ENPEP: variants seen among roughly 807,000 people sequenced by gnomAD.
ENPEP encodes glutamyl aminopeptidase, also known as AP-A.
ENPEP carries 103 observed loss-of-function variants against 114.5 expected under a neutral mutation model. The observed-to-expected ratio is 0.90, with a 90% CI of 0.77 to 1.06. ENPEP has a LOEUF of 1.06. Ranked by LOEUF, ENPEP falls within the 50% of genes least tolerant of loss-of-function variation. The probability of loss-of-function intolerance (pLI) is 0.00; values close to 1 mark genes in which losing one functional copy is unlikely to be tolerated. For synonymous variants in ENPEP, 420 were observed against 422.0 expected (o/e 1.00, Z 0.06); for missense variants, 1,196 against 1,161.3 (o/e 1.03, Z -0.43).
intron 3 of ENPEP, among the ~76,000 whole-genome samples, chr4:110,498,304 C>T (rs949747424): frequency 1.3e-5 from 2 of 151,856 alleles, no homozygotes; most frequent in East Asian, 1.9e-4. Flanking sequence ...TAAGCATGCT[C>T]GTCATTTAAA....
chr4:110,476,948 C>G lies in ENPEP; in HGVS notation c.534C>G (p.Thr178=), dbSNP rs562063489. ...YVVVEAEEEL[T]PSSGDGLYLL... ...TGGTCGAGGCGGAGGAAGAGCTTAC[C>G]CCCAGCAGTGGAGATGGCCTGTATC... Residue 178 remains threonine (T), a synonymous_variant, in exon 1 of 20, where the codon ACC becomes ACG. Transcript: ENST00000265162. 1 of 1,614,148 alleles carries G rather than the reference C, an allele frequency of 6.2e-7. No individual in the cohort carries two copies. Among genetic ancestry groups the G allele is most frequent in the East Asian group, 2.2e-5 (1 of 44,864 alleles).
intron 13 of ENPEP, among the ~76,000 whole-genome samples, chr4:110,546,981 A>T (rs1022465030): frequency 6.6e-6 from 1 of 151,956 alleles, no homozygotes; most frequent in Non-Finnish European, 1.5e-5. Flanking sequence ...AACAATTTTT[A>T]TTGTCCCTTT....
At chr4:110,531,112 TGTC>T (rs1726389912) in intron 10 of ENPEP, 83 bp from the exon 11 acceptor site, 1 of 803,842 alleles carries the variant, frequency 1.2e-6, no homozygotes, top group Non-Finnish European at 1.8e-6. Flanking sequence ...AAAATATACT[TGTC>T]TATTGCTTTT....
At chr4:110,477,555 T>G (rs981459469) in intron 1 of ENPEP, among the ~76,000 whole-genome samples, 1 of 152,126 alleles carries the variant, frequency 6.6e-6, no homozygotes, top group Non-Finnish European at 1.5e-5. Context: ...AAGAGAGACA[T>G]TGAAAAATCA....
chr4:110,534,799 G>T (rs149324176), intron 11 of ENPEP, among the ~76,000 whole-genome samples: 2 of 151,584 alleles, frequency 1.3e-5, no homozygotes, highest in South Asian at 4.1e-4. Context: ...ATGAGCCACC[G>T]CGCCTGGCCT....
At chr4:110,535,934 G>A (rs1259325945) in intron 11 of ENPEP, among the ~76,000 whole-genome samples, 1 of 152,034 alleles carries the variant, frequency 6.6e-6, no homozygotes, top group Non-Finnish European at 1.5e-5. Flanking sequence ...AGCATTTTTA[G>A]TAATAAATTA....
chr4:110,549,477 C>CT, intron 15 of ENPEP, 51 bp from the exon 16 acceptor site: 1 of 1,611,758 alleles, frequency 6.2e-7, no homozygotes, highest in South Asian at 1.1e-5. Flanking sequence ...TGTTTTAAGA[C>CT]TTGTTGAAAA....
In ENPEP at chr4:110,542,753, A is replaced by G. The variant is rs756838444; in HGVS notation, c.1810A>G (p.Ile604Val). ...VLFNRSEKEG[I>V]TLNSSNPSGN... The stretch of plus-strand genomic sequence containing the variant: ...TTAGTGTTTATTTACTACTACAGGA[A>G]TCACTTTGAACTCCTCTAATCCTAG... The change falls in exon 12 of 20, where the codon ATC (isoleucine) becomes GTC (valine). Residue 604 changes from isoleucine to valine, a missense_variant and splice_region_variant. By Grantham distance (29) the Ile-to-Val change is conservative (BLOSUM62 3). Transcript: ENST00000265162. 5 of 1,611,248 alleles carry G rather than the reference A, an allele frequency of 3.1e-6. No individual in the cohort carries two copies. The East Asian group carries it at 8.9e-5, about 29-fold the overall frequency.
chr4:110,553,277 G>A (rs748096051), intron 17 of ENPEP, 38 bp from the exon 18 acceptor site: 32 of 1,514,984 alleles, frequency 2.1e-5, no homozygotes, highest in Non-Finnish European at 2.9e-5. Context: ...AACATTAAAA[G>A]TTCACTTTGA....
intron 8 of ENPEP, among the ~76,000 whole-genome samples, chr4:110,517,766 A>G (rs774592814): frequency 4.6e-5 from 7 of 152,218 alleles, no homozygotes; most frequent in African/African-American, 7.2e-5. Context: ...AGTGCTATGG[A>G]ATGAATTTAC....
chr4:110,519,014 T>C (rs1181555028), intron 8 of ENPEP: 1 of 448,094 alleles, frequency 2.2e-6, no homozygotes, highest in Non-Finnish European at 4.5e-6. Context: ...TGATGAATGA[T>C]TTGTGCAACT....
At chr4:110,520,124 G>T in intron 9 of ENPEP, 51 bp downstream of exon 9, 8 of 1,595,848 alleles carry the variant, frequency 5.0e-6, no homozygotes, top group Non-Finnish European at 6.9e-6. Context: ...TTTACAAATG[G>T]CTTACCAATC....
chr4:110,523,980 GT>G (rs2110366786), intron 10 of ENPEP, among the ~76,000 whole-genome samples: 1 of 152,298 alleles, frequency 6.6e-6, no homozygotes, highest in South Asian at 2.1e-4. Context: ...AGTCAGGAGA[GT>G]AGTTAAGACT....
intron 10 of ENPEP, among the ~76,000 whole-genome samples, chr4:110,525,050 C>T (rs1484299260): frequency 6.6e-6 from 1 of 152,144 alleles, no homozygotes; most frequent in Non-Finnish European, 1.5e-5. Context: ...TCGCAGATGA[C>T]CTCAAATTTT....
intron 2 of ENPEP, among the ~76,000 whole-genome samples, chr4:110,490,208 G>A (rs1724653507): frequency 6.6e-6 from 1 of 152,068 alleles, no homozygotes; most frequent in Admixed American, 6.6e-5. Context: ...TGGGTTCTTA[G>A]GCCATCAAAA....
At position 110,531,292 on chromosome 4, in the gene ENPEP, T is replaced by C; in HGVS notation, c.1807+15T>C. On this transcript the variant is annotated intron_variant, in intron 11 of 19. Coordinates refer to ENST00000265162, the MANE Select transcript of ENPEP (RefSeq NM_001977.4). ...AGAAAAAGAAGGTAAATATTATTAATTGATTTATTTCTTCTTTGAATTGAT... is the reference window on the plus strand; with the variant it reads ...AGAAAAAGAAGGTAAATATTATTAACTGATTTATTTCTTCTTTGAATTGAT... The C allele has an allele frequency of 7.2e-7, 1 of 1,394,584 alleles. No homozygotes were observed. Among genetic ancestry groups the C allele is most frequent in the Middle Eastern group, 2.1e-4 (1 of 4,772 alleles). 86.4% of individuals were successfully genotyped at this position (1,394,584 alleles called of 1,614,324 possible). A position where few individuals can be genotyped will look rare whatever the true frequency, so the allele number is the denominator to read the frequency against.
chr4:110,545,113 TG>T (rs1349378797), intron 13 of ENPEP, among the ~76,000 whole-genome samples: 1 of 151,624 alleles, frequency 6.6e-6, no homozygotes, highest in Non-Finnish European at 1.5e-5. Flanking sequence ...GTGGAGGGGG[TG>T]GAAGAGAGAA....
chr4:110,486,991 G>A (rs549809336), intron 1 of ENPEP, among the ~76,000 whole-genome samples: 13 of 152,248 alleles, frequency 8.5e-5, no homozygotes, highest in African/African-American at 3.1e-4. Flanking sequence ...GAGGGTCGAA[G>A]TGAGTTTTTC....
rs34631771 is a variant in ENPEP, at chr4:110,509,807, G to A, written c.1194G>A (p.Gln398=). ...ATVVAHELVH[Q]WFGNIVTMDW... ...TGGTTGCCCATGAACTTGTGCATCA[G>A]GTACAGAATCTTAGCACTGAATCAG... The change falls in exon 5 of 20, where the codon CAG becomes CAA. Residue 398 remains glutamine (Q), a splice_region_variant and synonymous_variant. Coordinates refer to ENST00000265162, the MANE Select transcript of ENPEP (RefSeq NM_001977.4). 3.3e-3 allele frequency: 5,374 copies of A among 1,612,078 alleles called. 200 individuals are homozygous for A. In the African/African-American group the frequency reaches 0.064, roughly 19 times the overall value.
Sources: allele counts gnomAD v4.1 joint callset (sites outside exome capture counted in the v4.1 genomes callset), GRCh38; gene constraint gnomAD v4.1.1; transcripts MANE v1.5; gene names NCBI Gene and HGNC (gene_info 2026-07-23, HGNC 2026-07-21).